Variants in FANCL observed in about 807,000 individuals in gnomAD.
FANCL encodes the protein E3 ubiquitin-protein ligase FANCL.
FANCL carries 69 observed loss-of-function variants against 59.4 expected under a neutral mutation model. That is an observed-to-expected ratio of 1.16 (90% CI 0.96 to 1.42). The LOEUF is 1.42. FANCL is among the 40% of genes most tolerant of loss of function. The pLI, the probability that FANCL is intolerant of heterozygous loss-of-function variation, is 0.00. For synonymous variants in FANCL, 180 were observed against 147.1 expected (o/e 1.22, Z -1.62); for missense variants, 519 against 447.2 (o/e 1.16, Z -1.45).
At chr2:58,235,755 C>A (rs975801073) in intron 1 of FANCL, among the ~76,000 whole-genome samples, 2 of 151,794 alleles carry the variant, frequency 1.3e-5, no homozygotes, top group Admixed American at 1.3e-4. Flanking sequence ...AAATTTCATA[C>A]GTTCAAGAAG....
chr2:58,182,101 TCTTAA>T (rs1282487478), intron 7 of FANCL, among the ~76,000 whole-genome samples: 1 of 151,826 alleles, frequency 6.6e-6, no homozygotes, highest in East Asian at 1.9e-4. Context: ...AAAAAATACA[TCTTAA>T]CTTCTAAGTA....
At chr2:58,172,035 C>T (rs1486278154) in intron 7 of FANCL, among the ~76,000 whole-genome samples, 7 of 152,178 alleles carry the variant, frequency 4.6e-5, no homozygotes, top group East Asian at 1.9e-4. Flanking sequence ...AAGGTGGCAG[C>T]GAGGCTGGGG....
At chr2:58,210,401 C>G (rs1691017524) in intron 5 of FANCL, among the ~76,000 whole-genome samples, 1 of 152,058 alleles carries the variant, frequency 6.6e-6, no homozygotes, top group Non-Finnish European at 1.5e-5. Context: ...ACCATGAGAA[C>G]AATATGGGGG....
At chr2:58,219,171 AATAT>A (rs869094167) in intron 5 of FANCL, among the ~76,000 whole-genome samples, 293 of 19,234 alleles carry the variant, frequency 0.015, 10 homozygotes, top group African/African-American at 0.017. Flanking sequence ...AAAAAAAAAA[AATAT>A]ATATATATAT....
At chr2:58,217,199 TATATATATATATATATACACAC>T (rs1245940811) in intron 5 of FANCL, among the ~76,000 whole-genome samples, 135 of 9,664 alleles carry the variant, frequency 0.014, 2 homozygotes, top group Admixed American at 0.032. Flanking sequence ...TATATATATA[TATATATATATATATATACACAC>T]ACACACACAC....
At chr2:58,187,694 A>G (rs937460144) in intron 7 of FANCL, among the ~76,000 whole-genome samples, 1 of 152,150 alleles carries the variant, frequency 6.6e-6, no homozygotes, top group Non-Finnish European at 1.5e-5. Context: ...TATTTTGAAA[A>G]CTTTTTACAC....
At chr2:58,163,313 C>T (rs1685486304) in intron 9 of FANCL, 121 bp downstream of exon 9, 3 of 810,088 alleles carry the variant, frequency 3.7e-6, no homozygotes, top group Non-Finnish European at 6.2e-6. Flanking sequence ...AAGAGCAAAA[C>T]TCCGTCTCAG....
intron 3 of FANCL, among the ~76,000 whole-genome samples, chr2:58,228,305 AG>A (rs1693233303): frequency 6.6e-6 from 1 of 152,202 alleles, no homozygotes; most frequent in South Asian, 2.1e-4. Context: ...AATATTCTCA[AG>A]TTTTACATTG....
intron 11 of FANCL, among the ~76,000 whole-genome samples, chr2:58,161,852 G>A (rs1238857974): frequency 6.6e-6 from 1 of 151,786 alleles, no homozygotes. Context: ...TCATCTATGT[G>A]TTTAAAACAC....
intron 7 of FANCL, among the ~76,000 whole-genome samples, chr2:58,166,306 C>G (rs1477876127): frequency 6.6e-6 from 1 of 152,010 alleles, no homozygotes; most frequent in Non-Finnish European, 1.5e-5. Context: ...AAATGCAGTG[C>G]TATTTGTAAT....
At chr2:58,231,880 T>C (rs1361178533) in intron 2 of FANCL, among the ~76,000 whole-genome samples, 174 bp downstream of exon 2, 1 of 152,226 alleles carries the variant, frequency 6.6e-6, no homozygotes, top group Non-Finnish European at 1.5e-5. Context: ...TAGTAACAGG[T>C]AAATATTTAC....
intron 6 of FANCL, 86 bp from the exon 7 acceptor site, chr2:58,198,748 G>C (rs1689689930): frequency 5.7e-6 from 6 of 1,057,420 alleles, no homozygotes; most frequent in Admixed American, 3.7e-5. Flanking sequence ...ATGTATTAGG[G>C]GCCGGGCGCG....
intron 7 of FANCL, among the ~76,000 whole-genome samples, chr2:58,183,911 T>C (rs896365733): frequency 2.6e-5 from 4 of 152,094 alleles, no homozygotes; most frequent in Non-Finnish European, 5.9e-5. Context: ...AACAAGGTAT[T>C]TGATCTTAAG....
Position 58,241,201 on chromosome 2 carries a change from AACC to A in FANCL, c.96+14_96+16del. Reference sequence around the variant, plus strand: ...CAAGAGGCTCTCTTAGCTAGAAAGCAACCACTGGGCGGGTACCTGAGCCGAGAT... The same window carrying A: ...CAAGAGGCTCTCTTAGCTAGAAAGCAACTGGGCGGGTACCTGAGCCGAGAT... On this transcript the variant is annotated intron_variant, in intron 1 of 13. Transcript: ENST00000233741. The A allele has an allele frequency of 6.2e-7, 1 of 1,613,918 alleles. No homozygotes were observed. Among genetic ancestry groups the A allele is most frequent in the South Asian group, 1.1e-5 (1 of 91,082 alleles).
Position 58,160,150 on chromosome 2 carries a change from C to G in FANCL, c.1050G>C (p.Gln350His). The G allele has an allele frequency of 6.2e-7, 1 of 1,612,908 alleles. No individual in the cohort carries two copies. Among genetic ancestry groups the G allele is most frequent in the East Asian group, 2.2e-5 (1 of 44,756 alleles). ...EWLRGLLTSR[Q>H]SFNIIFGECP... ...ATTCACCAAATATGATGTTAAAACT[C>G]TGTCTACTAGTTAGTAGTCCTCTCA... The change falls in exon 13 of 14, where the codon CAG (glutamine) becomes CAC (histidine). Residue 350 changes from glutamine (Q) to histidine (H), a missense_variant. Physicochemically the swap from Gln to His is conservative, Grantham distance 24 (BLOSUM62 0). Transcript: ENST00000233741.
At chr2:58,218,328 A>G (rs1692048100) in intron 5 of FANCL, among the ~76,000 whole-genome samples, 1 of 151,964 alleles carries the variant, frequency 6.6e-6, no homozygotes, top group South Asian at 2.1e-4. Flanking sequence ...AAAAATATAC[A>G]ACAGAGAAAA....
chr2:58,173,839 G>A lies in FANCL; in HGVS notation c.541-7965C>T, dbSNP rs1686953595. Among the ~76,000 whole-genome samples the A allele has an allele frequency of 2.6e-5, 4 of 152,046 alleles. No individual in the cohort carries two copies. The South Asian group carries it at 6.2e-4, about 24-fold the overall frequency. Reference sequence around the variant, plus strand: ...ATGCTCCAATTAAAAGACATAGACTGGCTAATTGGATAAAGAGTCAAGACC... The same window carrying A: ...ATGCTCCAATTAAAAGACATAGACTAGCTAATTGGATAAAGAGTCAAGACC... On this transcript the variant is annotated intron_variant, in intron 7 of 13. Transcript: ENST00000233741.
At chr2:58,226,311 C>T (rs535545115) in intron 4 of FANCL, among the ~76,000 whole-genome samples, 221 of 152,234 alleles carry the variant, frequency 1.5e-3, no homozygotes, top group African/African-American at 5.1e-3. Flanking sequence ...TTAAACAGTA[C>T]ATATGTAACA....
intron 5 of FANCL, among the ~76,000 whole-genome samples, chr2:58,217,356 C>T (rs543797551): frequency 6.6e-6 from 1 of 150,492 alleles, no homozygotes; most frequent in East Asian, 2.0e-4. Context: ...GATGTGCTCC[C>T]TCTGGAGGCT....
Sources: allele counts gnomAD v4.1 joint callset (sites outside exome capture counted in the v4.1 genomes callset), GRCh38; gene constraint gnomAD v4.1.1; transcripts MANE v1.5; gene names NCBI Gene and HGNC (gene_info 2026-07-23, HGNC 2026-07-21).